The following RANBP2 variants were observed in gnomAD, a reference collection of about 807,000 sequenced individuals.
RANBP2 encodes the protein RAN binding protein 2.
In RANBP2, 57 loss-of-function variants were observed where a neutral mutation model predicts 303.6. That is an observed-to-expected ratio of 0.19 (90% CI 0.15 to 0.23). The LOEUF (loss-of-function observed/expected upper bound fraction) is 0.23, where lower values mean the gene tolerates loss of function less well. Ranked by LOEUF, RANBP2 falls within the 10% of genes least tolerant of loss-of-function variation. The pLI, the probability that RANBP2 is intolerant of heterozygous loss-of-function variation, is 1.00. For synonymous variants in RANBP2, 1,167 were observed against 1,301.5 expected (o/e 0.90, Z 2.23); for missense variants, 3,138 against 3,780.8 (o/e 0.83, Z 4.46).
the RANBP2 span, among the ~76,000 whole-genome samples, chr2:109,248,887 T>TTCCTGTCCTG: frequency 1.2e-4 from 18 of 145,852 alleles, no homozygotes; most frequent in Admixed American, 4.8e-4. Flanking sequence ...TTCCTGTCCT[T>TTCCTGTCCTG]TCCTGTCCTG....
At position 108,719,498 on chromosome 2, in the gene RANBP2, G is replaced by GGCTACGGC; in HGVS notation, c.-105_-98dup. The GGCTACGGC allele has an allele frequency of 6.6e-7, 1 of 1,519,832 alleles. No homozygotes were observed. Among genetic ancestry groups the GGCTACGGC allele is most frequent in the African/African-American group, 1.4e-5 (1 of 72,232 alleles). The allele number at this position is 1,519,832 out of a possible 1,614,324, so 94.1% of individuals were successfully genotyped here. On this transcript the variant is annotated 5_prime_UTR_variant, in exon 1 of 29. Coordinates refer to ENST00000283195, the MANE Select transcript of RANBP2 (RefSeq NM_006267.5). ...AAGTTCGTCACAGTGGTCCTCCGCC[G>GGCTACGGC]GCTACGGCGCTGCGTCACTGGTTTG...
At chr2:109,140,415 C>T in the RANBP2 span, among the ~76,000 whole-genome samples, 3 of 151,792 alleles carry the variant, frequency 2.0e-5, no homozygotes, top group African/African-American at 7.3e-5. Context: ...GAGTCTTGCT[C>T]TGTCCCCTAG....
At chr2:108,906,761 G>A in the RANBP2 span, among the ~76,000 whole-genome samples, 6 of 152,218 alleles carry the variant, frequency 3.9e-5, no homozygotes, top group African/African-American at 1.4e-4. Flanking sequence ...CCAGGCCCAC[G>A]GTGCACAGCT....
At position 108,743,163 on chromosome 2, in the gene RANBP2, G is replaced by A. The variant is rs191611506; in HGVS notation, c.975+2482G>A. 1.4e-4 allele frequency among the ~76,000 whole-genome samples: 21 copies of A among 152,258 alleles called. No homozygotes were observed. In the East Asian group the frequency reaches 2.1e-3, roughly 15 times the overall value. The stretch of plus-strand genomic sequence containing the variant: ...CTATTAGAGTCTTGCTGTGTCACCC[G>A]GGCTGGAGTGCAGTTGCATAATCAT... On this transcript the variant is annotated intron_variant, in intron 7 of 28. Transcript: ENST00000283195.
chr2:109,570,063 C>T, the RANBP2 span, among the ~76,000 whole-genome samples: 1 of 151,982 alleles, frequency 6.6e-6, no homozygotes, highest in Non-Finnish European at 1.5e-5. Context: ...TTAAAATGGG[C>T]CAAATCAAGT....
the RANBP2 span, among the ~76,000 whole-genome samples, chr2:109,293,356 G>T: frequency 6.6e-6 from 1 of 152,232 alleles, no homozygotes; most frequent in African/African-American, 2.4e-5. Flanking sequence ...GTCATCAGGG[G>T]CCAGAAAAAT....
chr2:109,066,951 T>C, the RANBP2 span, among the ~76,000 whole-genome samples: 2 of 152,244 alleles, frequency 1.3e-5, no homozygotes, highest in Non-Finnish European at 2.9e-5. Context: ...AACACGTTGA[T>C]ACTCCATTTT....
the RANBP2 span, among the ~76,000 whole-genome samples, chr2:109,113,268 A>G: frequency 6.6e-6 from 1 of 152,218 alleles, no homozygotes. Context: ...ATCCATGAGC[A>G]TGGAATGTTC....
At chr2:109,424,346 C>T in the RANBP2 span, among the ~76,000 whole-genome samples, 19 of 152,220 alleles carry the variant, frequency 1.2e-4, no homozygotes, top group African/African-American at 4.3e-4. Flanking sequence ...CACTCATCGC[C>T]CTTCAGAGGG....
chr2:108,977,183 C>T, the RANBP2 span, among the ~76,000 whole-genome samples: 1 of 152,208 alleles, frequency 6.6e-6, no homozygotes, highest in Admixed American at 6.5e-5. Context: ...CCAACAGGCC[C>T]TGCACCCCTG....
chr2:109,685,907 G>A, the RANBP2 span, among the ~76,000 whole-genome samples: 1 of 152,080 alleles, frequency 6.6e-6, no homozygotes, highest in African/African-American at 2.4e-5. Flanking sequence ...AGGAGAGAGA[G>A]TTTTGGGTAA....
the RANBP2 span, among the ~76,000 whole-genome samples, chr2:109,032,796 C>T: frequency 1.3e-5 from 2 of 152,218 alleles, no homozygotes; most frequent in African/African-American, 2.4e-5. Flanking sequence ...AATTTCCCTC[C>T]GGTTGCACTG....
chr2:109,666,211 C>T, the RANBP2 span, among the ~76,000 whole-genome samples: 1 of 151,624 alleles, frequency 6.6e-6, no homozygotes, highest in East Asian at 1.9e-4. Flanking sequence ...ATTGCTTTTT[C>T]TATAAAATAG....
chr2:108,846,404 C>T, the RANBP2 span, among the ~76,000 whole-genome samples: 1 of 151,946 alleles, frequency 6.6e-6, no homozygotes, highest in Non-Finnish European at 1.5e-5. Context: ...TGGCCAGGCA[C>T]AGTGGCTCAT....
the RANBP2 span, chr2:109,399,043 C>T: frequency 1.5e-5 from 20 of 1,290,824 alleles, no homozygotes; most frequent in African/African-American, 1.2e-4. Context: ...GCATGGAGGC[C>T]GCCCCAGAAC....
At chr2:109,535,893 A>G in the RANBP2 span, among the ~76,000 whole-genome samples, 1 of 152,190 alleles carries the variant, frequency 6.6e-6, no homozygotes, top group Non-Finnish European at 1.5e-5. Context: ...CACTGGGAAT[A>G]GAACAGAATT....
the RANBP2 span, among the ~76,000 whole-genome samples, chr2:108,806,366 A>G: frequency 6.6e-6 from 1 of 152,176 alleles, no homozygotes; most frequent in African/African-American, 2.4e-5. Flanking sequence ...TAGTTGCATG[A>G]GTGTGTGGTA....
the RANBP2 span, among the ~76,000 whole-genome samples, chr2:108,975,643 G>A: frequency 2.6e-5 from 4 of 152,258 alleles, no homozygotes; most frequent in South Asian, 2.1e-4. Flanking sequence ...AAATAGAGCC[G>A]GGGGAACAGG....
chr2:109,708,155 C>T, the RANBP2 span, among the ~76,000 whole-genome samples: 1 of 152,188 alleles, frequency 6.6e-6, no homozygotes, highest in Non-Finnish European at 1.5e-5. Flanking sequence ...CCTAGGAGTT[C>T]GAGACCAACC....
Sources: gnomAD v4.1 joint callset for allele counts (sites outside exome capture counted in the v4.1 genomes callset) on GRCh38, gnomAD v4.1.1 for gene constraint, MANE v1.5 for transcripts, NCBI Gene and HGNC (gene_info 2026-07-23, HGNC 2026-07-21) for gene names.